RASSF8: variants seen among roughly 807,000 people sequenced by gnomAD.
RASSF8 encodes the protein ras association domain-containing protein 8.
Under a neutral mutation model 48.5 loss-of-function variants are expected in RASSF8, and 22 were observed. That is an observed-to-expected ratio of 0.45 (90% CI 0.32 to 0.65). The LOEUF (loss-of-function observed/expected upper bound fraction) is 0.65. RASSF8 is among the 30% of genes least tolerant of loss of function. The probability of loss-of-function intolerance (pLI) is 0.03; values close to 1 mark genes in which losing one functional copy is unlikely to be tolerated. For missense variants in RASSF8, 418 were observed against 489.2 expected, an observed-to-expected ratio of 0.85 and a Z score of 1.37; for synonymous variants, 127 against 171.5, an observed-to-expected ratio of 0.74 and a Z score of 2.03.
At position 26,007,691 on chromosome 12, in the gene RASSF8, G is replaced by A. The variant is rs150434528; in HGVS notation, c.-109+12561G>A. On this transcript the variant is annotated intron_variant, in intron 2 of 5. Coordinates refer to ENST00000689635, the MANE Select transcript of RASSF8 (RefSeq NM_001394098.1). ...GTTTTTGGGAAAAGCAAGTACAGCC[G>A]AGTGTGGGCAGGGGATGGCTGACTT... Among the ~76,000 whole-genome samples, 788 of 152,354 alleles carry A rather than the reference G, an allele frequency of 5.2e-3. 4 individuals are homozygous for A. Among genetic ancestry groups the A allele is most frequent in the Non-Finnish European group, 9.0e-3 (610 of 68,034 alleles).
intron 2 of RASSF8, among the ~76,000 whole-genome samples, chr12:26,012,296 A>G (rs1942545008): frequency 6.6e-6 from 1 of 152,248 alleles, no homozygotes; most frequent in African/African-American, 2.4e-5. Context: ...CCCGGCATAT[A>G]TAGTAAGAAT....
Position 26,058,545 on chromosome 12 carries a change from CACACACA to C in RASSF8, c.103+3100_103+3106del, listed in dbSNP as rs1943667362. ...ACATGCGCACGCGCGCGCGCACACA[CACACACA>C]CACACACACAGAGTGTATTCTTGAT... is the stretch of plus-strand genomic sequence containing the variant. On this transcript the variant is annotated intron_variant, in intron 3 of 5. Coordinates refer to ENST00000689635, the MANE Select transcript of RASSF8 (RefSeq NM_001394098.1). Among the ~76,000 whole-genome samples, 5 of 139,260 alleles carry C rather than the reference CACACACA, an allele frequency of 3.6e-5. No homozygotes were observed. The Admixed American group carries it at 4.5e-4, about 13-fold the overall frequency. The allele number at this position is 139,260 out of a possible 152,430, so 91.4% of individuals were successfully genotyped here.
chr12:26,012,350 A>G (rs1942546348), intron 2 of RASSF8, among the ~76,000 whole-genome samples: 1 of 152,256 alleles, frequency 6.6e-6, no homozygotes, highest in Admixed American at 6.5e-5. Context: ...ATATTTAAAA[A>G]GTGAGAAAAC....
At chr12:26,057,537 C>A (rs571438297) in intron 3 of RASSF8, among the ~76,000 whole-genome samples, 1 of 152,140 alleles carries the variant, frequency 6.6e-6, no homozygotes, top group Non-Finnish European at 1.5e-5. Context: ...TTGATGGACA[C>A]TTGGGTTGGT....
At chr12:26,010,413 C>T (rs926104169) in intron 2 of RASSF8, among the ~76,000 whole-genome samples, 1 of 152,074 alleles carries the variant, frequency 6.6e-6, no homozygotes, top group Admixed American at 6.5e-5. Context: ...CAGGAGGGCA[C>T]GAAGTAGAAG....
At chr12:26,025,158 A>G (rs1185946974) in intron 2 of RASSF8, among the ~76,000 whole-genome samples, 1 of 152,186 alleles carries the variant, frequency 6.6e-6, no homozygotes, top group African/African-American at 2.4e-5. Context: ...CAAAAGACTG[A>G]ATGCTTTCTC....
intron 1 of RASSF8, among the ~76,000 whole-genome samples, chr12:25,990,903 A>T (rs777881901): frequency 1.7e-4 from 26 of 151,586 alleles, no homozygotes; most frequent in Non-Finnish European, 3.4e-4. Flanking sequence ...AAATGTGCCT[A>T]AAAAAATACA....
downstream of RASSF8, among the ~76,000 whole-genome samples, chr12:26,074,007 A>G (rs1944048075): frequency 6.6e-6 from 1 of 152,046 alleles, no homozygotes; most frequent in Non-Finnish European, 1.5e-5. Flanking sequence ...TATATATGAG[A>G]ATAATAGTAC....
In RASSF8 at chr12:25,976,721, G is replaced by T. The variant is rs116563089; in HGVS notation, c.-203+17573G>T. 3.3e-3 allele frequency among the ~76,000 whole-genome samples: 501 copies of T among 152,152 alleles called. 3 individuals are homozygous for T. Among genetic ancestry groups the T allele is most frequent in the African/African-American group, 0.012 (483 of 41,518 alleles). ...TTCTTTTGTGCTTTATTCTTTCTTT[G>T]CTTTGCTGGGCGTTTTGTCCAGTTC... On this transcript the variant is annotated intron_variant, in intron 1 of 5. Transcript: ENST00000689635.
chr12:26,001,648 C>T (rs1442969799), intron 2 of RASSF8, among the ~76,000 whole-genome samples: 1 of 152,042 alleles, frequency 6.6e-6, no homozygotes, highest in Non-Finnish European at 1.5e-5. Context: ...ACCAATATCA[C>T]TTTTCACCTC....
chr12:26,026,183 T>C (rs1218436513), intron 2 of RASSF8, among the ~76,000 whole-genome samples: 1 of 152,114 alleles, frequency 6.6e-6, no homozygotes, highest in East Asian at 1.9e-4. Flanking sequence ...CCATCAAAAG[T>C]GAAAAGACAA....
chr12:26,050,731 A>C (rs1007579392), intron 2 of RASSF8, among the ~76,000 whole-genome samples: 10 of 152,220 alleles, frequency 6.6e-5, no homozygotes, highest in African/African-American at 1.2e-4. Context: ...TGTAGAAATA[A>C]AGCTGGATGT....
At chr12:26,022,012 T>G (rs1942797920) in intron 2 of RASSF8, among the ~76,000 whole-genome samples, 1 of 152,130 alleles carries the variant, frequency 6.6e-6, no homozygotes, top group African/African-American at 2.4e-5. Flanking sequence ...GAGAAGGAGC[T>G]AAGAAGAGCG....
intron 5 of RASSF8, chr12:26,078,897 C>G: frequency 1.5e-6 from 1 of 647,512 alleles, no homozygotes; most frequent in Non-Finnish European, 2.3e-6. Flanking sequence ...AGAAGGTTCT[C>G]AAAAAAAAAG....
rs369358693 is a variant in RASSF8, at chr12:26,068,661, G to A, written c.1139-36G>A. On this transcript the variant is annotated intron_variant, in intron 5 of 5. Coordinates refer to ENST00000689635, the MANE Select transcript of RASSF8 (RefSeq NM_001394098.1). ...ATATTGCTAAGTACTCCAAGTTGAC[G>A]AGCTCATCAGGTGGCTCTCTTTGTT... 62 of 1,465,720 alleles carry A rather than the reference G, an allele frequency of 4.2e-5. No homozygotes were observed. The African/African-American group carries it at 6.6e-4, about 16-fold the overall frequency. The allele number at this position is 1,465,720 out of a possible 1,614,324, so 90.8% of individuals were successfully genotyped here.
chr12:26,075,475 C>G (rs1413248638), downstream of RASSF8, among the ~76,000 whole-genome samples: 1 of 152,172 alleles, frequency 6.6e-6, no homozygotes, highest in African/African-American at 2.4e-5. Context: ...CCAAATTTAG[C>G]CATCCACAAG....
chr12:25,984,898 A>G (rs1422008992), intron 1 of RASSF8, among the ~76,000 whole-genome samples: 1 of 152,210 alleles, frequency 6.6e-6, no homozygotes, highest in African/African-American at 2.4e-5. Flanking sequence ...GCAATAAATC[A>G]TTTATGCTGA....
intron 2 of RASSF8, among the ~76,000 whole-genome samples, chr12:26,051,010 T>C (rs1943478927): frequency 6.6e-6 from 1 of 152,202 alleles, no homozygotes. Context: ...AAAAAACATT[T>C]ATTGGGTACA....
chr12:26,051,347 T>C (rs1943485938), intron 2 of RASSF8, among the ~76,000 whole-genome samples: 1 of 152,186 alleles, frequency 6.6e-6, no homozygotes, highest in South Asian at 2.1e-4. Flanking sequence ...CACCTGAAGG[T>C]AATGAATAGT....
Sources: gnomAD v4.1 joint callset for allele counts (sites outside exome capture counted in the v4.1 genomes callset) on GRCh38, gnomAD v4.1.1 for gene constraint, MANE v1.5 for transcripts, NCBI Gene and HGNC (gene_info 2026-07-23, HGNC 2026-07-21) for gene names.